RBPJ: variants seen among roughly 807,000 people sequenced by gnomAD.
RBPJ encodes recombining binding protein suppressor of hairless.
In RBPJ, 9 loss-of-function variants were observed where a neutral mutation model predicts 67.8. The observed-to-expected ratio is 0.13, with a 90% CI of 0.08 to 0.23. The LOEUF (loss-of-function observed/expected upper bound fraction) is 0.23. Ranked by LOEUF, RBPJ falls within the 10% of genes least tolerant of loss-of-function variation. The pLI, the probability that RBPJ is intolerant of heterozygous loss-of-function variation, is 1.00. For synonymous variants in RBPJ, 198 were observed against 203.3 expected (o/e 0.97, Z 0.22); for missense variants, 305 against 595.6 (o/e 0.51, Z 5.08).
chr4:26,203,144 T>C lies in RBPJ; in HGVS notation c.-167+39530T>C, dbSNP rs75251045. Among the ~76,000 whole-genome samples the C allele has an allele frequency of 4.9e-3, 741 of 152,304 alleles. 9 individuals carry two copies. The highest frequency in any genetic ancestry group is 0.017 in the African/African-American group (707 of 41,556). The stretch of plus-strand genomic sequence containing the variant: ...TCTATCTGTTTGAGGTCCAGTCTTA[T>C]CCCCTTAGTCTAGTCTTTACATAGT... On this transcript the variant is annotated intron_variant, in intron 1 of 4. Coordinates refer to the RBPJ transcript ENST00000512351.
rs1248344644 is a variant in RBPJ, at chr4:26,433,908, G to A, written c.*2901G>A. 2 of 152,288 alleles carry A rather than the reference G, an allele frequency of 1.3e-5. No individual in the cohort carries two copies. The highest frequency in any genetic ancestry group is 1.9e-4 in the East Asian group (1 of 5,180). 9.4% of individuals were successfully genotyped at this position (152,288 alleles called of 1,614,324 possible). A position where few individuals can be genotyped will look rare whatever the true frequency, so the allele number is the denominator to read the frequency against. On this transcript the variant is annotated 3_prime_UTR_variant, in exon 11 of 11. Coordinates refer to ENST00000355476, the MANE Select transcript of RBPJ (RefSeq NM_015874.6). ...AGACTCTCTTATTAGAATGGTGAGTGCTTCAGTTATAGTATGTTTGAATTT... is the reference window on the plus strand; with the variant it reads ...AGACTCTCTTATTAGAATGGTGAGTACTTCAGTTATAGTATGTTTGAATTT...
intron 2 of RBPJ, among the ~76,000 whole-genome samples, chr4:26,397,310 C>T (rs371097847): frequency 2.0e-4 from 30 of 152,082 alleles, no homozygotes; most frequent in African/African-American, 6.8e-4. Context: ...TGTGGGGGTG[C>T]GTATAAATCA....
chr4:26,283,082 C>T (rs1721332564), intron 1 of RBPJ, among the ~76,000 whole-genome samples: 2 of 150,000 alleles, frequency 1.3e-5, no homozygotes, highest in Admixed American at 1.3e-4. Flanking sequence ...AGGCACCTGC[C>T]ACCACGCCCA....
intron 1 of RBPJ, among the ~76,000 whole-genome samples, chr4:26,296,318 G>C (rs1721873016): frequency 6.6e-6 from 1 of 152,110 alleles, no homozygotes; most frequent in Non-Finnish European, 1.5e-5. Flanking sequence ...TTTAGCATTA[G>C]GTAGCTGGGA....
chr4:26,126,559 G>C, the RBPJ span, among the ~76,000 whole-genome samples: 1 of 152,248 alleles, frequency 6.6e-6, no homozygotes, highest in Non-Finnish European at 1.5e-5. Flanking sequence ...TCTAGCTGTA[G>C]GTTATAGTCA....
At chr4:26,317,107 C>A (rs1722676845), upstream of RBPJ, among the ~76,000 whole-genome samples, 1 of 151,424 alleles carries the variant, frequency 6.6e-6, no homozygotes, top group Non-Finnish European at 1.5e-5. Flanking sequence ...ATTAATATTA[C>A]ATTATAATGG....
chr4:26,351,717 A>G (rs1726824076), intron 1 of RBPJ, among the ~76,000 whole-genome samples: 1 of 152,220 alleles, frequency 6.6e-6, no homozygotes, highest in Non-Finnish European at 1.5e-5. Context: ...AATACAGGAC[A>G]ATGGTATCTG....
chr4:26,393,734 G>A (rs193102722), intron 2 of RBPJ, among the ~76,000 whole-genome samples: 3 of 151,680 alleles, frequency 2.0e-5, no homozygotes, highest in African/African-American at 7.3e-5. Flanking sequence ...GAATATTCAA[G>A]TTAGGAAAAT....
At chr4:26,145,420 C>T in the RBPJ span, among the ~76,000 whole-genome samples, 1 of 152,188 alleles carries the variant, frequency 6.6e-6, no homozygotes, top group African/African-American at 2.4e-5. Context: ...CCAAAGTAAA[C>T]ATGAAACTCC....
intron 1 of RBPJ, among the ~76,000 whole-genome samples, chr4:26,381,968 C>T (rs534672683): frequency 2.0e-5 from 3 of 152,054 alleles, no homozygotes; most frequent in Admixed American, 6.5e-5. Flanking sequence ...GTAGTAGCAG[C>T]GATTCTTTGT....
At chr4:26,329,665 C>A (rs890913328) in intron 1 of RBPJ, among the ~76,000 whole-genome samples, 2 of 152,004 alleles carry the variant, frequency 1.3e-5, no homozygotes, top group Non-Finnish European at 2.9e-5. Flanking sequence ...GAGGCCGAGG[C>A]GGGCGGATCA....
At chr4:26,127,015 A>C in the RBPJ span, among the ~76,000 whole-genome samples, 1 of 152,198 alleles carries the variant, frequency 6.6e-6, no homozygotes, top group Non-Finnish European at 1.5e-5. Flanking sequence ...TCAGCCGACC[A>C]CACACGTCAC....
chr4:26,282,456 C>A (rs185908086), intron 1 of RBPJ, among the ~76,000 whole-genome samples: 2 of 151,574 alleles, frequency 1.3e-5, no homozygotes, highest in East Asian at 3.8e-4. Context: ...ATTTCATATT[C>A]GAATAAAGAT....
chr4:26,431,200 A>G lies in RBPJ; in HGVS notation c.*193A>G, dbSNP rs201279979. ...AAGCCACAGTAAAAAAAAAAAAAAAAAAAAAAAAAAAGAAAAAAAAATCAA... is the reference window on the plus strand; with the variant it reads ...AAGCCACAGTAAAAAAAAAAAAAAAGAAAAAAAAAAAGAAAAAAAAATCAA... On this transcript the variant is annotated 3_prime_UTR_variant, in exon 11 of 11. Coordinates refer to ENST00000355476, the MANE Select transcript of RBPJ (RefSeq NM_015874.6). The G allele has an allele frequency of 0.038, 14,073 of 373,316 alleles. 835 individuals are homozygous for G. Among genetic ancestry groups the G allele is most frequent in the East Asian group, 0.1 (2,000 of 19,256 alleles). 23.1% of individuals were successfully genotyped at this position (373,316 alleles called of 1,614,324 possible). A position where few individuals can be genotyped will look rare whatever the true frequency, so the allele number is the denominator to read the frequency against.
At chr4:26,257,377 C>T (rs1720375544) in intron 1 of RBPJ, among the ~76,000 whole-genome samples, 1 of 152,236 alleles carries the variant, frequency 6.6e-6, no homozygotes, top group South Asian at 2.1e-4. Context: ...TGCCTGTAAT[C>T]CCAGCACTTT....
chr4:26,401,155 ACTTACTTT>A (rs1280133081), intron 2 of RBPJ, among the ~76,000 whole-genome samples: 1 of 152,236 alleles, frequency 6.6e-6, no homozygotes, highest in Non-Finnish European at 1.5e-5. Flanking sequence ...TGTGGGACTA[ACTTACTTT>A]AAAGTGTCCC....
At chr4:26,217,893 C>T (rs1307535868) in intron 1 of RBPJ, among the ~76,000 whole-genome samples, 1 of 152,178 alleles carries the variant, frequency 6.6e-6, no homozygotes, top group East Asian at 1.9e-4. Context: ...CAGGGCTTCG[C>T]AAGTGCCAGA....
intron 3 of RBPJ, chr4:26,413,031 A>G (rs1249818422): frequency 6.6e-6 from 1 of 152,254 alleles, no homozygotes; most frequent in East Asian, 1.9e-4. Context: ...ATTGGATTAG[A>G]TAAATGTGAG....
Position 26,270,438 on chromosome 4 carries a change from AAG to A in RBPJ, c.-166-92006_-166-92005del, listed in dbSNP as rs1491496880. On this transcript the variant is annotated intron_variant, in intron 1 of 4. Coordinates refer to the RBPJ transcript ENST00000512351. ...GAAAGAAAGAAAGAAAGAAAGAAAGAAGAAAGAAAGAAAGAAAGAAAAGAAAA... is the reference window on the plus strand; with the variant it reads ...GAAAGAAAGAAAGAAAGAAAGAAAGAAAAGAAAGAAAGAAAGAAAAGAAAA... Among the ~76,000 whole-genome samples the A allele has an allele frequency of 7.9e-4, 16 of 20,310 alleles. 3 individuals are homozygous for A. The highest frequency in any genetic ancestry group is 1.3e-3 in the African/African-American group (14 of 10,748). The allele number at this position is 20,310 out of a possible 152,430, so 13.3% of individuals were successfully genotyped here.
Sources: allele counts gnomAD v4.1 joint callset (sites outside exome capture counted in the v4.1 genomes callset), GRCh38; gene constraint gnomAD v4.1.1; transcripts MANE v1.5; gene names NCBI Gene and HGNC (gene_info 2026-07-23, HGNC 2026-07-21).